The following RBM25 variants were observed in gnomAD, a reference collection of about 807,000 sequenced individuals.
RBM25 encodes the protein RNA-binding protein 25.
Under a neutral mutation model 120.7 loss-of-function variants are expected in RBM25, and 19 were observed. The observed-to-expected ratio is 0.16, with a 90% CI of 0.11 to 0.23. The LOEUF is 0.23. RBM25 is among the 10% of genes least tolerant of loss of function. The pLI is 1.00. For synonymous variants in RBM25, 390 were observed against 326.7 expected, an observed-to-expected ratio of 1.19 and a Z score of -2.09; for missense variants, 605 against 1,041.5, an observed-to-expected ratio of 0.58 and a Z score of 5.77.
At chr14:73,112,380 C>T in intron 17 of RBM25, 130 bp downstream of exon 17, 1 of 862,126 alleles carries the variant, frequency 1.2e-6, no homozygotes, top group Non-Finnish European at 1.6e-6. Context: ...TGATTTATAT[C>T]TGCTTTTTTA....
At chr14:73,086,552 T>C (rs1489445932) in intron 5 of RBM25, among the ~76,000 whole-genome samples, 1 of 152,156 alleles carries the variant, frequency 6.6e-6, no homozygotes, top group Non-Finnish European at 1.5e-5. Context: ...CATATATTTG[T>C]ATCTCCTTTT....
intron 1 of RBM25, among the ~76,000 whole-genome samples, chr14:73,071,128 G>C (rs1212769575): frequency 6.6e-6 from 1 of 151,526 alleles, no homozygotes; most frequent in Non-Finnish European, 1.5e-5. Context: ...TGTAGTCCCA[G>C]CTACTTGGGA....
rs564470120 is a variant in RBM25 at position 73,087,109 on chromosome 14, CATT to C, written c.383-889_383-887del. Among the ~76,000 whole-genome samples, 297 of 152,154 alleles carry C rather than the reference CATT, an allele frequency of 2.0e-3. 1 individual carries two copies. Among genetic ancestry groups the C allele is most frequent in the Middle Eastern group, 6.8e-3 (2 of 294 alleles). Reference sequence around the variant, plus strand: ...TCAGTAGTTTTTTTCTGTTTCCTGTCATTATATACATATTTAGATTTATTTGAT... The same window carrying C: ...TCAGTAGTTTTTTTCTGTTTCCTGTCATATACATATTTAGATTTATTTGAT... On this transcript the variant is annotated intron_variant, in intron 5 of 18. Transcript: ENST00000261973.
intron 6 of RBM25, among the ~76,000 whole-genome samples, chr14:73,089,938 C>T (rs924825812): frequency 6.6e-6 from 1 of 152,106 alleles, no homozygotes; most frequent in Non-Finnish European, 1.5e-5. Flanking sequence ...GTGAGCCACT[C>T]CACCCGGTCA....
chr14:73,119,261 A>AAAGTTTT (rs2140469918), intron 18 of RBM25, among the ~76,000 whole-genome samples: 1 of 151,736 alleles, frequency 6.6e-6, no homozygotes, highest in African/African-American at 2.4e-5. Context: ...CAACCTTAAA[A>AAAGTTTT]CTTTTTTGTT....
At position 73,105,126 on chromosome 14, in the gene RBM25, CTTTT is replaced by C. The variant is rs34862161; in HGVS notation, c.1155-718_1155-715del. Among the ~76,000 whole-genome samples, 299 of 109,508 alleles carry C rather than the reference CTTTT, an allele frequency of 2.7e-3. 3 individuals carry two copies. The highest frequency in any genetic ancestry group is 9.5e-3 in the African/African-American group (254 of 26,666). 71.8% of individuals were successfully genotyped at this position (109,508 alleles called of 152,430 possible). ...TGTAATCTGCAGTTTGGTTTTATTA[CTTTT>C]TTTTTTTTTTTTTTGGAGACGGGCT... On this transcript the variant is annotated intron_variant, in intron 10 of 18. Transcript: ENST00000261973.
chr14:73,102,959 TC>T (rs1225791058), intron 9 of RBM25: 3 of 731,978 alleles, frequency 4.1e-6, no homozygotes, highest in African/African-American at 3.6e-5. Flanking sequence ...TGACACAATC[TC>T]CCAGCATCCA....
rs146946443 is a variant in RBM25 at position 73,096,536 on chromosome 14, A to G, written c.544-379A>G. 1.6e-3 allele frequency among the ~76,000 whole-genome samples: 242 copies of G among 152,290 alleles called. 2 individuals are homozygous for G. Among genetic ancestry groups the G allele is most frequent in the African/African-American group, 5.3e-3 (222 of 41,562 alleles). ...TGGTAGCTATCACAATTAACTTAAA[A>G]TTGTATTTTGCCTTTACTACGTAAC... On this transcript the variant is annotated intron_variant, in intron 6 of 18. Transcript: ENST00000261973.
intron 18 of RBM25, among the ~76,000 whole-genome samples, chr14:73,115,340 G>A (rs1436507948): frequency 2.6e-5 from 4 of 152,088 alleles, no homozygotes; most frequent in East Asian, 3.9e-4. Flanking sequence ...TCTGCCCTAC[G>A]ATAGGCCCCA....
rs1223701931 is a variant in RBM25, at chr14:73,103,446, C to T, written c.1122C>T (p.Ser374=). The part of the protein sequence containing the change: ...ERDRDRDRER[S]SDRNKDRSRS... Reference sequence around the variant, plus strand: ...ATCGTGACCGGGATAGAGAAAGGAGCTCAGATCGTAATAAGGATCGCAGTC... The same window carrying T: ...ATCGTGACCGGGATAGAGAAAGGAGTTCAGATCGTAATAAGGATCGCAGTC... The change falls in exon 10 of 19, where the codon AGC becomes AGT. Residue 374 remains serine (S), a synonymous_variant. Transcript: ENST00000261973. 2.5e-6 allele frequency: 4 copies of T among 1,607,684 alleles called. No homozygotes were observed. Among genetic ancestry groups the T allele is most frequent in the East Asian group, 4.5e-5 (2 of 44,818 alleles).
At position 73,105,126 on chromosome 14, in the gene RBM25, CTTTTTT is replaced by C. The variant is rs34862161; in HGVS notation, c.1155-720_1155-715del. On this transcript the variant is annotated intron_variant, in intron 10 of 18. Coordinates refer to ENST00000261973, the MANE Select transcript of RBM25 (RefSeq NM_021239.3). The stretch of plus-strand genomic sequence containing the variant: ...TGTAATCTGCAGTTTGGTTTTATTA[CTTTTTT>C]TTTTTTTTTTTTGGAGACGGGCTGG... Among the ~76,000 whole-genome samples the C allele has an allele frequency of 2.7e-4, 30 of 109,520 alleles. 1 individual carries two copies. Among genetic ancestry groups the C allele is most frequent in the African/African-American group, 1.1e-3 (29 of 26,672 alleles). 71.8% of individuals were successfully genotyped at this position (109,520 alleles called of 152,430 possible).
At chr14:73,107,772 G>C in intron 12 of RBM25, 54 bp from the exon 13 acceptor site, 1 of 1,306,020 alleles carries the variant, frequency 7.7e-7, no homozygotes, top group Admixed American at 1.9e-5. Context: ...AAAGGGAAGA[G>C]TAATCTTTAT....
rs373015671 is a variant in RBM25, at chr14:73,106,943, G to A, written c.1467+658G>A. ...CTCCTCCCAGGTTCAAGCGATAAGC[G>A]ATTCTCCTGCCTCAGCCTCCCGAGT... On this transcript the variant is annotated intron_variant, in intron 12 of 18. Transcript: ENST00000261973. Among the ~76,000 whole-genome samples, 7 of 151,574 alleles carry A rather than the reference G, an allele frequency of 4.6e-5. No homozygotes were observed. In the East Asian group the frequency reaches 9.7e-4, roughly 21 times the overall value.
At chr14:73,091,172 T>C (rs1895805784) in intron 6 of RBM25, among the ~76,000 whole-genome samples, 1 of 152,238 alleles carries the variant, frequency 6.6e-6, no homozygotes, top group Non-Finnish European at 1.5e-5. Flanking sequence ...CTATACTACG[T>C]ATTTTTATAA....
chr14:73,102,198 G>A (rs942323320), intron 9 of RBM25: 4 of 152,212 alleles, frequency 2.6e-5, no homozygotes, highest in Admixed American at 6.5e-5. Flanking sequence ...TGAAACAAAA[G>A]GGATAAATGT....
chr14:73,071,706 C>T lies in RBM25; in HGVS notation c.65C>T (p.Pro22Leu), dbSNP rs1419134596. The stretch of plus-strand genomic sequence containing the variant: ...ATCCCAGCACTCCCACCAGGGATCC[C>T]ACCCCCGCAGTTTCCAGGATTTCCT... ...MGIPALPPGI[P>L]PPQFPGFPPP... Residue 22 changes from proline to leucine, a missense_variant, in exon 2 of 19, where the codon CCA becomes CTA. Physicochemically the swap from Pro to Leu is moderately conservative, Grantham distance 98 (BLOSUM62 -3). Around this residue, in one of 4 missense-constraint regions of RBM25, gnomAD observed 90 missense variants for 107.3 expected, o/e 0.84. Transcript: ENST00000261973. The T allele has an allele frequency of 1.2e-6, 2 of 1,614,070 alleles. No homozygotes were observed.
chr14:73,122,203 T>C lies in RBM25; in HGVS notation c.*2398T>C, dbSNP rs1346960953. On this transcript the variant is annotated 3_prime_UTR_variant, in exon 19 of 19. Coordinates refer to ENST00000261973, the MANE Select transcript of RBM25 (RefSeq NM_021239.3). ...AATTAATTTTAGTTTGAAAACCTTA[T>C]ACAGTATGAATTCATTTTGCCATTT... 6.6e-6 allele frequency: 1 copy of C among 152,094 alleles called. No individual in the cohort carries two copies. Among genetic ancestry groups the C allele is most frequent in the Non-Finnish European group, 1.5e-5 (1 of 68,020 alleles). 9.4% of individuals were successfully genotyped at this position (152,094 alleles called of 1,614,324 possible).
At chr14:73,071,897 A>G (rs1464399821) in intron 2 of RBM25, 150 bp downstream of exon 2, 6 of 616,088 alleles carry the variant, frequency 9.7e-6, no homozygotes, top group Non-Finnish European at 1.7e-5. Context: ...TTCCTATAGC[A>G]GTAGCTTTTA....
chr14:73,103,901 GTCTGTCTC>G (rs1469457471), intron 10 of RBM25, among the ~76,000 whole-genome samples: 1 of 71,558 alleles, frequency 1.4e-5, no homozygotes, highest in Non-Finnish European at 2.7e-5. Flanking sequence ...CTGTCTGTCT[GTCTGTCTC>G]TCTCTCTCTC....
Sources: gnomAD v4.1 joint callset for allele counts (sites outside exome capture counted in the v4.1 genomes callset) on GRCh38, gnomAD v4.1.1 for gene constraint, gnomAD v4.1.1 regional missense constraint, MANE v1.5 for transcripts, NCBI Gene and HGNC (gene_info 2026-07-23, HGNC 2026-07-21) for gene names.